Variants in AIRIM observed in about 807,000 individuals in gnomAD.
AIRIM encodes the protein AFG2-interacting ribosome maturation factor.
At chr1:37,688,791 C>A in the AIRIM span, among the ~76,000 whole-genome samples, 2 of 151,908 alleles carry the variant, frequency 1.3e-5, no homozygotes, top group African/African-American at 4.8e-5. Context: ...CATAGTGAGA[C>A]CCTATCTCTA....
At chr1:37,685,198 G>C in the AIRIM span, among the ~76,000 whole-genome samples, 2 of 127,332 alleles carry the variant, frequency 1.6e-5, no homozygotes, top group Admixed American at 1.5e-4. Flanking sequence ...TTTTTGGGGG[G>C]GGGGGGTGGG....
At chr1:37,683,002 T>C in the AIRIM span, 1 of 1,066,756 alleles carries the variant, frequency 9.4e-7, no homozygotes, top group African/African-American at 1.6e-5. Context: ...GTCCTAAGGT[T>C]CAAGGCACTG....
At chr1:37,686,581 G>T in the AIRIM span, 1 of 878,804 alleles carries the variant, frequency 1.1e-6, no homozygotes. Context: ...GTACATTGTA[G>T]GACGTGTAGG....
chr1:37,688,217 C>G, the AIRIM span, among the ~76,000 whole-genome samples: 3 of 152,096 alleles, frequency 2.0e-5, no homozygotes, highest in South Asian at 2.1e-4. Flanking sequence ...CCACGACAGC[C>G]AGTTAACTTT....
chr1:37,687,117 T>G, the AIRIM span, among the ~76,000 whole-genome samples: 1 of 149,948 alleles, frequency 6.7e-6, no homozygotes. Context: ...TGTGTATAGT[T>G]TTTGTTTTTG....
chr1:37,687,059 AGTGTGTGTGTGTGTGTGTGTGTGTGTGT>A, the AIRIM span, among the ~76,000 whole-genome samples: 14 of 141,292 alleles, frequency 9.9e-5, no homozygotes, highest in South Asian at 4.8e-4. Flanking sequence ...CCGTCTCAAA[AGTGTGTGTGTGTGTGTGTGTGTGTGTGT>A]GTGTGTGTGT....
At chr1:37,687,888 TTTGC>T in the AIRIM span, among the ~76,000 whole-genome samples, 1 of 151,964 alleles carries the variant, frequency 6.6e-6, no homozygotes. Flanking sequence ...TTTTTTTTGT[TTTGC>T]TTTCCTTTTC....
chr1:37,685,623 A>G, the AIRIM span, among the ~76,000 whole-genome samples: 2 of 152,030 alleles, frequency 1.3e-5, no homozygotes, highest in Non-Finnish European at 2.9e-5. Flanking sequence ...CTCGGGCTCA[A>G]GCAGTCCTCC....
chr1:37,687,092 G>A, the AIRIM span, among the ~76,000 whole-genome samples: 47 of 148,304 alleles, frequency 3.2e-4, no homozygotes, highest in African/African-American at 1.2e-3. Flanking sequence ...GTGTGTGTGT[G>A]TGTGTGTGTG....
the AIRIM span, chr1:37,689,714 C>T: frequency 6.2e-7 from 1 of 1,614,024 alleles, no homozygotes; most frequent in South Asian, 1.1e-5. Context: ...ATCCTCAAAC[C>T]GCAGGTTCTG....
the AIRIM span, chr1:37,683,204 A>G: frequency 1.2e-6 from 2 of 1,604,430 alleles, no homozygotes; most frequent in East Asian, 4.5e-5. Flanking sequence ...ACCTCTCCCG[A>G]GAACATAAAA....
the AIRIM span, among the ~76,000 whole-genome samples, chr1:37,688,337 C>T: frequency 1.3e-5 from 2 of 152,174 alleles, no homozygotes; most frequent in South Asian, 2.1e-4. Flanking sequence ...CATAAGCCAC[C>T]GTGCCGGGCC....
At chr1:37,683,499 C>A in the AIRIM span, 1 of 1,568,354 alleles carries the variant, frequency 6.4e-7, no homozygotes, top group African/African-American at 1.4e-5. Context: ...AAAAAAACAC[C>A]CTGGTGAGAA....
At chr1:37,687,106 GTGTGTA>G in the AIRIM span, among the ~76,000 whole-genome samples, 371 of 120,954 alleles carry the variant, frequency 3.1e-3, no homozygotes, top group African/African-American at 1.0e-2. Context: ...GTGTGTGTGT[GTGTGTA>G]TAGTTTTTGT....
the AIRIM span, among the ~76,000 whole-genome samples, chr1:37,687,674 T>C: frequency 1.1e-3 from 162 of 152,138 alleles, no homozygotes; most frequent in African/African-American, 3.7e-3. Context: ...GAGGCTACAG[T>C]AAGCTATGAT....
the AIRIM span, chr1:37,683,183 A>C: frequency 6.2e-7 from 1 of 1,607,248 alleles, no homozygotes; most frequent in East Asian, 2.2e-5. Context: ...GACAGAAAAA[A>C]TGGCATTATC....
chr1:37,689,404 G>A, the AIRIM span: 18 of 561,644 alleles, frequency 3.2e-5, no homozygotes, highest in African/African-American at 2.6e-4. Flanking sequence ...CCACTGCCAT[G>A]CCTAGTCTCT....
At chr1:37,689,919 TGG>T in the AIRIM span, 1 of 1,506,370 alleles carries the variant, frequency 6.6e-7, no homozygotes. Flanking sequence ...ATAACCACGT[TGG>T]GGTGCCAAGT....
chr1:37,683,114 A>G, the AIRIM span: 2 of 1,612,464 alleles, frequency 1.2e-6, no homozygotes, highest in East Asian at 2.2e-5. Flanking sequence ...CCAGATACGC[A>G]TAGCTTCCTT....
Sources: allele counts gnomAD v4.1 joint callset (sites outside exome capture counted in the v4.1 genomes callset), GRCh38; gene constraint gnomAD v4.1.1; transcripts MANE v1.5; gene names NCBI Gene and HGNC (gene_info 2026-07-23, HGNC 2026-07-21).